Variants in PARD3 observed in about 807,000 individuals in gnomAD.
PARD3 encodes par-3 family cell polarity regulator, also known as partitioning defective 3 homolog.
Under a neutral mutation model 155.4 loss-of-function variants are expected in PARD3, and 75 were observed. That is an observed-to-expected ratio of 0.48 (90% CI 0.40 to 0.58). PARD3 has a LOEUF of 0.58. Ranked by LOEUF, PARD3 falls within the 20% of genes least tolerant of loss-of-function variation. The pLI is 0.00. For missense variants in PARD3, 1,642 were observed against 1,721.7 expected, an observed-to-expected ratio of 0.95 and a Z score of 0.82; for synonymous variants, 576 against 610.5, an observed-to-expected ratio of 0.94 and a Z score of 0.83.
At chr10:34,230,574 T>C (rs919112691) in intron 22 of PARD3, among the ~76,000 whole-genome samples, 1 of 152,164 alleles carries the variant, frequency 6.6e-6, no homozygotes, top group Non-Finnish European at 1.5e-5. Context: ...ATTTTTCCTT[T>C]AGTCAACTGA....
chr10:34,224,579 G>C (rs1952491374), intron 22 of PARD3, among the ~76,000 whole-genome samples: 1 of 152,206 alleles, frequency 6.6e-6, no homozygotes, highest in Admixed American at 6.5e-5. Context: ...CTAAAGCACT[G>C]GTTGTTGTCA....
chr10:34,180,205 G>A (rs373864603), intron 22 of PARD3, among the ~76,000 whole-genome samples: 3 of 152,092 alleles, frequency 2.0e-5, no homozygotes, highest in Non-Finnish European at 4.4e-5. Flanking sequence ...CCGCCACCAC[G>A]CCTGGCTAAT....
intron 1 of PARD3, among the ~76,000 whole-genome samples, chr10:34,785,721 A>T (rs572902279): frequency 6.6e-6 from 1 of 152,308 alleles, no homozygotes; most frequent in South Asian, 2.1e-4. Context: ...ATAAGGCACA[A>T]ATGGGACAGG....
intron 1 of PARD3, among the ~76,000 whole-genome samples, chr10:34,752,036 T>C (rs1170031316): frequency 6.6e-6 from 1 of 152,106 alleles, no homozygotes; most frequent in Non-Finnish European, 1.5e-5. Context: ...TGGTTGTACA[T>C]CTAAGACATA....
At chr10:34,619,067 T>C (rs2091452308) in intron 2 of PARD3, among the ~76,000 whole-genome samples, 1 of 151,618 alleles carries the variant, frequency 6.6e-6, no homozygotes, top group African/African-American at 2.4e-5. Context: ...CTTTTTTTTT[T>C]TGAGACAGAG....
chr10:34,542,234 T>TGTGTGCGC (rs1554889667), intron 2 of PARD3, among the ~76,000 whole-genome samples: 8 of 146,198 alleles, frequency 5.5e-5, no homozygotes, highest in African/African-American at 2.0e-4. Flanking sequence ...TGTGTGTGTG[T>TGTGTGCGC]GTGTGCACAC....
intron 1 of PARD3, among the ~76,000 whole-genome samples, chr10:34,724,264 T>C (rs955021916): frequency 6.6e-6 from 1 of 152,188 alleles, no homozygotes; most frequent in African/African-American, 2.4e-5. Context: ...GAAACTGCAT[T>C]GTGATCTATG....
chr10:34,443,180 A>G (rs893363003), intron 5 of PARD3, among the ~76,000 whole-genome samples: 1 of 152,226 alleles, frequency 6.6e-6, no homozygotes, highest in African/African-American at 2.4e-5. Flanking sequence ...TATATTGACT[A>G]GCCTGGAGAA....
intron 4 of PARD3, among the ~76,000 whole-genome samples, chr10:34,455,083 A>G (rs2077264340): frequency 6.6e-6 from 1 of 152,186 alleles, no homozygotes; most frequent in Non-Finnish European, 1.5e-5. Context: ...TCTTGGCAAG[A>G]CTATATCCCT....
intron 1 of PARD3, 57 bp from the exon 2 acceptor site, chr10:34,696,476 T>A: frequency 9.4e-7 from 1 of 1,060,940 alleles, no homozygotes. Context: ...AAAAGGGAAT[T>A]AGACATTTTA....
chr10:34,308,232 G>T (rs1391129207), intron 20 of PARD3, among the ~76,000 whole-genome samples: 1 of 152,122 alleles, frequency 6.6e-6, no homozygotes, highest in Non-Finnish European at 1.5e-5. Flanking sequence ...GGTGCCGAAG[G>T]CTACTGGGGG....
intron 2 of PARD3, among the ~76,000 whole-genome samples, chr10:34,540,576 A>G (rs1192629409): frequency 6.6e-6 from 1 of 152,200 alleles, no homozygotes; most frequent in African/African-American, 2.4e-5. Context: ...CAGTCTGGAC[A>G]ATACAGCAAG....
chr10:34,718,995 T>C (rs1428979039), intron 1 of PARD3, among the ~76,000 whole-genome samples: 1 of 152,058 alleles, frequency 6.6e-6, no homozygotes, highest in Non-Finnish European at 1.5e-5. Context: ...TTTAAAAAAA[T>C]GCATGGTGTA....
At chr10:34,391,412 C>A (rs1365336166) in intron 7 of PARD3, among the ~76,000 whole-genome samples, 3 of 152,080 alleles carry the variant, frequency 2.0e-5, no homozygotes, top group Non-Finnish European at 4.4e-5. Context: ...TCTTTTTTCC[C>A]ACAGAGCTCG....
At chr10:34,443,174 T>C (rs1332906002) in intron 5 of PARD3, among the ~76,000 whole-genome samples, 3 of 152,160 alleles carry the variant, frequency 2.0e-5, no homozygotes, top group Non-Finnish European at 4.4e-5. Flanking sequence ...CACAATTATA[T>C]TGACTAGCCT....
chr10:34,346,983 G>A (rs1166565145), intron 15 of PARD3, among the ~76,000 whole-genome samples: 1 of 152,200 alleles, frequency 6.6e-6, no homozygotes, highest in African/African-American at 2.4e-5. Flanking sequence ...TACAGCAACA[G>A]TATATACACA....
intron 2 of PARD3, among the ~76,000 whole-genome samples, chr10:34,657,820 C>T (rs964074631): frequency 6.6e-6 from 1 of 151,858 alleles, no homozygotes; most frequent in African/African-American, 2.4e-5. Context: ...ATTACAGGCA[C>T]GAGCCACCAC....
At chr10:34,548,081 G>A (rs954514995) in intron 2 of PARD3, among the ~76,000 whole-genome samples, 2 of 152,140 alleles carry the variant, frequency 1.3e-5, no homozygotes, top group African/African-American at 4.8e-5. Context: ...TTCAAACATT[G>A]TAAGCAATAA....
chr10:34,240,509 C>T (rs868505812), intron 22 of PARD3, among the ~76,000 whole-genome samples: 2 of 152,202 alleles, frequency 1.3e-5, no homozygotes, highest in African/African-American at 2.4e-5. Context: ...TCAATGATAA[C>T]AATTTTCAGG....
Sources: gnomAD v4.1 joint callset for allele counts (sites outside exome capture counted in the v4.1 genomes callset) on GRCh38, gnomAD v4.1.1 for gene constraint, MANE v1.5 for transcripts, NCBI Gene and HGNC (gene_info 2026-07-23, HGNC 2026-07-21) for gene names.